HIGD1B: variants seen among roughly 807,000 people sequenced by gnomAD.
HIGD1B encodes HIG1 hypoxia inducible domain family member 1B, also known as HIG1 domain family member 1B.
In HIGD1B, 9 loss-of-function variants were observed where a neutral mutation model predicts 8.8. The ratio of observed to expected loss-of-function variants is 1.02; its 90% CI spans 0.62 to 1.78. The LOEUF is 1.78. HIGD1B is among the 40% of genes most tolerant of loss of function. HIGD1B has a pLI of 0.00. For missense variants in HIGD1B, 126 were observed against 111.8 expected (o/e 1.13, Z -0.57); for synonymous variants, 47 against 38.8 (o/e 1.21, Z -0.78).
At chr17:44,848,757 T>C (rs1264973580) in intron 1 of HIGD1B, among the ~76,000 whole-genome samples, 1 of 151,774 alleles carries the variant, frequency 6.6e-6, no homozygotes, top group Non-Finnish European at 1.5e-5. Context: ...GAAAATGCCA[T>C]TGAAGGGCAA....
At chr17:44,845,043 A>G (rs557272355), upstream of HIGD1B, among the ~76,000 whole-genome samples, 1 of 152,016 alleles carries the variant, frequency 6.6e-6, no homozygotes, top group East Asian at 1.9e-4. Flanking sequence ...GGATCACCTG[A>G]GGTCAGGAGT....
chr17:44,845,009 G>A (rs1318583602), upstream of HIGD1B, among the ~76,000 whole-genome samples: 1 of 152,164 alleles, frequency 6.6e-6, no homozygotes, highest in Non-Finnish European at 1.5e-5. Context: ...TGTAATCCCA[G>A]CACTTTGGGA....
At position 44,848,109 on chromosome 17, in the gene HIGD1B, C is replaced by T. The variant is rs1048025748; in HGVS notation, c.-44C>T. ...TGGAGTGCCTCTCTCTAGGACGGGGCTGCAGCATAGGAGTCTCAGCTGCTT... is the reference window on the plus strand; with the variant it reads ...TGGAGTGCCTCTCTCTAGGACGGGGTTGCAGCATAGGAGTCTCAGCTGCTT... On this transcript the variant is annotated 5_prime_UTR_variant, in exon 1 of 3. Transcript: ENST00000253410. 3.5e-6 allele frequency: 3 copies of T among 851,214 alleles called. No individual in the cohort carries two copies. Among genetic ancestry groups the T allele is most frequent in the Non-Finnish European group, 6.2e-6 (3 of 486,736 alleles). The allele number at this position is 851,214 out of a possible 1,614,324, so 52.7% of individuals were successfully genotyped here. A position where few individuals can be genotyped will look rare whatever the true frequency, so the allele number is the denominator to read the frequency against.
Position 44,849,364 on chromosome 17 carries a change from T to C in HIGD1B, c.211T>C (p.Cys71Arg). ...TCACACCCGAGTGGCAGCGCAGGCCTGTGCAGTGGGTGCAATCATGCTAGG... is the reference window on the plus strand; with the variant it reads ...TCACACCCGAGTGGCAGCGCAGGCCCGTGCAGTGGGTGCAATCATGCTAGG... ...LIHTRVAAQA[C>R]AVGAIMLGAV... The change falls in exon 2 of 3, where the codon TGT becomes CGT. Residue 71 changes from cysteine (C) to arginine (R), a missense_variant. Transcript: ENST00000253410. The C allele has an allele frequency of 6.2e-7, 1 of 1,614,074 alleles. No homozygotes were observed. The highest frequency in any genetic ancestry group is 8.5e-7 in the Non-Finnish European group (1 of 1,179,960).
intron 2 of HIGD1B, chr17:44,849,818 C>T (rs2050404699): frequency 5.9e-6 from 1 of 169,230 alleles, no homozygotes; most frequent in South Asian, 1.5e-4. Context: ...CTGGGCTCCA[C>T]ATCACATGCT....
upstream of HIGD1B, among the ~76,000 whole-genome samples, chr17:44,845,264 A>G (rs536216169): frequency 6.6e-6 from 1 of 151,740 alleles, no homozygotes; most frequent in Admixed American, 6.6e-5. Flanking sequence ...GTCTCAAAAA[A>G]AAAAAAAAAA....
At chr17:44,850,262 G>A in intron 2 of HIGD1B, 70 bp from the exon 3 acceptor site, 1 of 1,284,262 alleles carries the variant, frequency 7.8e-7, no homozygotes, top group Non-Finnish European at 1.1e-6. Context: ...GAACCCCTAG[G>A]ACGCCTGAGA....
upstream of HIGD1B, among the ~76,000 whole-genome samples, chr17:44,847,162 G>A (rs567124372): frequency 7.9e-5 from 12 of 152,030 alleles, no homozygotes; most frequent in Middle Eastern, 3.4e-3. Flanking sequence ...GGCCGGGCGC[G>A]GTGGCTCACG....
intron 1 of HIGD1B, 56 bp from the exon 2 acceptor site, chr17:44,849,198 C>A (rs748390383): frequency 1.9e-6 from 3 of 1,591,194 alleles, no homozygotes; most frequent in East Asian, 4.5e-5. Flanking sequence ...TATCTCTCAT[C>A]AGGGGAGTGC....
chr17:44,846,971 T>C (rs1567722676), upstream of HIGD1B, among the ~76,000 whole-genome samples: 1 of 149,094 alleles, frequency 6.7e-6, no homozygotes, highest in African/African-American at 2.5e-5. Context: ...CCGTCTCTAC[T>C]AAAAAAATAC....
chr17:44,846,054 C>T (rs9903380), upstream of HIGD1B, among the ~76,000 whole-genome samples: 5,574 of 152,220 alleles, frequency 0.037, 173 homozygotes, highest in South Asian at 0.085. Flanking sequence ...TTGGGGGACC[C>T]AGGCTTTCTA....
chr17:44,848,074 G>A lies in HIGD1B; in HGVS notation c.-79G>A, dbSNP rs978964406. 7 of 760,376 alleles carry A rather than the reference G, an allele frequency of 9.2e-6. No individual in the cohort carries two copies. The highest frequency in any genetic ancestry group is 3.5e-5 in the African/African-American group (2 of 57,766). 47.1% of individuals were successfully genotyped at this position (760,376 alleles called of 1,614,324 possible). On this transcript the variant is annotated 5_prime_UTR_variant, in exon 1 of 3. Transcript: ENST00000253410. Reference sequence around the variant, plus strand: ...TTCCTCTCCAGACTGAGGAATCAGAGTTCTGATTGTGGAGTGCCTCTCTCT... The same window carrying A: ...TTCCTCTCCAGACTGAGGAATCAGAATTCTGATTGTGGAGTGCCTCTCTCT...
At chr17:44,845,311 C>T (rs138956610), upstream of HIGD1B, among the ~76,000 whole-genome samples, 567 of 151,678 alleles carry the variant, frequency 3.7e-3, 4 homozygotes, top group African/African-American at 0.013. Context: ...AGCCCTAATC[C>T]TGATCACTGT....
chr17:44,850,264 C>A (rs371571998), intron 2 of HIGD1B, 68 bp from the exon 3 acceptor site: 2 of 1,304,146 alleles, frequency 1.5e-6, no homozygotes, highest in East Asian at 2.3e-5. Context: ...ACCCCTAGGA[C>A]GCCTGAGAGC....
intron 2 of HIGD1B, 118 bp from the exon 3 acceptor site, chr17:44,850,214 G>A: frequency 1.4e-6 from 1 of 700,376 alleles, no homozygotes; most frequent in Non-Finnish European, 2.4e-6. Context: ...GCAGAAAGAT[G>A]AGCGGGAAGC....
chr17:44,847,226 G>A (rs1164151282), upstream of HIGD1B, among the ~76,000 whole-genome samples: 2 of 152,106 alleles, frequency 1.3e-5, no homozygotes, highest in East Asian at 1.9e-4. Context: ...GAGGTCAGGA[G>A]ATCGAGACCA....
intron 2 of HIGD1B, 61 bp from the exon 3 acceptor site, chr17:44,850,271 G>C (rs2050418320): frequency 7.1e-7 from 1 of 1,411,148 alleles, no homozygotes; most frequent in Non-Finnish European, 9.9e-7. Flanking sequence ...GGACGCCTGA[G>C]AGCCAGAGGA....
chr17:44,847,171 C>T (rs947580830), upstream of HIGD1B, among the ~76,000 whole-genome samples: 3 of 151,372 alleles, frequency 2.0e-5, no homozygotes, highest in African/African-American at 7.3e-5. Flanking sequence ...CGGTGGCTCA[C>T]GCCTGTAATC....
intron 2 of HIGD1B, among the ~76,000 whole-genome samples, chr17:44,849,758 CAA>C (rs61617877): frequency 0.21 from 10,824 of 51,658 alleles, 241 homozygotes; most frequent in African/African-American, 0.27. Flanking sequence ...GACTCTGTCT[CAA>C]AAAAAAAAAA....
Sources: allele counts gnomAD v4.1 joint callset (sites outside exome capture counted in the v4.1 genomes callset), GRCh38; gene constraint gnomAD v4.1.1; transcripts MANE v1.5; gene names NCBI Gene and HGNC (gene_info 2026-07-23, HGNC 2026-07-21).